Variants in NKAIN3 observed in about 807,000 individuals in gnomAD.
NKAIN3 encodes sodium/potassium-transporting ATPase subunit beta-1-interacting protein 3.
NKAIN3 carries 25 observed loss-of-function variants against 30.2 expected under a neutral mutation model. That is an observed-to-expected ratio of 0.83 (90% CI 0.60 to 1.16). The LOEUF (loss-of-function observed/expected upper bound fraction) is 1.16, where lower values mean the gene tolerates loss of function less well. Ranked by LOEUF, NKAIN3 falls within the 50% of genes most tolerant of loss-of-function variation. NKAIN3 has a pLI of 0.00. For synonymous variants in NKAIN3, 91 were observed against 89.6 expected (o/e 1.02, Z -0.09); for missense variants, 225 against 254.1 (o/e 0.89, Z 0.78).
chr8:62,363,937 T>G (rs1291525486), intron 1 of NKAIN3, among the ~76,000 whole-genome samples: 1 of 152,254 alleles, frequency 6.6e-6, no homozygotes, highest in East Asian at 1.9e-4. Context: ...CTCTTTCTAT[T>G]GTGCAATACA....
chr8:62,881,857 T>C (rs1273015184), intron 4 of NKAIN3, among the ~76,000 whole-genome samples: 1 of 152,246 alleles, frequency 6.6e-6, no homozygotes, highest in Non-Finnish European at 1.5e-5. Context: ...CCACCAGGAA[T>C]AAATTAAAGT....
intron 1 of NKAIN3, among the ~76,000 whole-genome samples, chr8:62,500,424 G>GAAA: frequency 9.6e-6 from 1 of 103,668 alleles, no homozygotes. Flanking sequence ...AAGGAAGAAA[G>GAAA]GAAAGAAAGA....
intron 5 of NKAIN3, among the ~76,000 whole-genome samples, chr8:62,991,378 T>A (rs1271604989): frequency 1.3e-5 from 2 of 152,168 alleles, no homozygotes; most frequent in Non-Finnish European, 2.9e-5. Context: ...AAAACCAGAA[T>A]TGTTGGCAAA....
At chr8:62,875,114 A>C (rs1391315483) in intron 4 of NKAIN3, among the ~76,000 whole-genome samples, 1 of 152,224 alleles carries the variant, frequency 6.6e-6, no homozygotes, top group African/African-American at 2.4e-5. Context: ...ACTGATAAGC[A>C]ACTTCAACAA....
intron 1 of NKAIN3, among the ~76,000 whole-genome samples, chr8:62,328,941 T>A (rs1245422945): frequency 1.3e-5 from 2 of 152,094 alleles, no homozygotes; most frequent in Non-Finnish European, 2.9e-5. Context: ...ATTGATGGTA[T>A]GTTACTTCCA....
intron 4 of NKAIN3, among the ~76,000 whole-genome samples, chr8:62,903,989 G>C (rs1030910997): frequency 6.6e-6 from 1 of 152,228 alleles, no homozygotes; most frequent in Non-Finnish European, 1.5e-5. Flanking sequence ...TTCAAGGTGA[G>C]ATTTGGGTGG....
At chr8:62,736,676 T>TG (rs1815687318) in intron 3 of NKAIN3, among the ~76,000 whole-genome samples, 1 of 152,158 alleles carries the variant, frequency 6.6e-6, no homozygotes, top group South Asian at 2.1e-4. Context: ...ATGGCTTCTG[T>TG]GCTGTGTCTG....
At chr8:62,362,686 C>T (rs1025340095) in intron 1 of NKAIN3, among the ~76,000 whole-genome samples, 1 of 152,088 alleles carries the variant, frequency 6.6e-6, no homozygotes, top group South Asian at 2.1e-4. Context: ...AAACTTCAGC[C>T]GAATTAAATT....
chr8:62,645,717 C>T (rs1812440139), intron 3 of NKAIN3, among the ~76,000 whole-genome samples: 1 of 152,044 alleles, frequency 6.6e-6, no homozygotes, highest in African/African-American at 2.4e-5. Flanking sequence ...TGCTGAGCAC[C>T]AACTTTGTTT....
Position 62,559,569 on chromosome 8 carries a change from G to A in NKAIN3, c.55-19970G>A, listed in dbSNP as rs183249359. On this transcript the variant is annotated intron_variant, in intron 1 of 6. Coordinates refer to ENST00000623646, the MANE Select transcript of NKAIN3 (RefSeq NM_001304533.3). The stretch of plus-strand genomic sequence containing the variant: ...TTTAATATATCTATAGTGATTTTGA[G>A]TGTATCTCCATGCATAGCTTTTTTA... 6.0e-4 allele frequency among the ~76,000 whole-genome samples: 91 copies of A among 151,938 alleles called. No individual in the cohort carries two copies. The East Asian group carries it at 0.016, about 27-fold the overall frequency.
intron 1 of NKAIN3, among the ~76,000 whole-genome samples, chr8:62,509,999 T>C (rs1255853054): frequency 2.0e-5 from 3 of 152,124 alleles, no homozygotes; most frequent in African/African-American, 7.2e-5. Flanking sequence ...ATGGTATGGA[T>C]GGCTGAGAGA....
intron 3 of NKAIN3, among the ~76,000 whole-genome samples, chr8:62,694,307 C>T (rs1229988938): frequency 6.6e-6 from 1 of 152,100 alleles, no homozygotes; most frequent in Non-Finnish European, 1.5e-5. Context: ...CAACTTCTGT[C>T]CATCAATGGA....
At chr8:62,337,406 A>G (rs1430762983) in intron 1 of NKAIN3, among the ~76,000 whole-genome samples, 1 of 151,926 alleles carries the variant, frequency 6.6e-6, no homozygotes, top group African/African-American at 2.4e-5. Flanking sequence ...TTGGAAACAG[A>G]TATGAAAGCA....
At chr8:62,995,838 T>C (rs1378169514) in intron 5 of NKAIN3, among the ~76,000 whole-genome samples, 6 of 146,962 alleles carry the variant, frequency 4.1e-5, no homozygotes, top group African/African-American at 1.5e-4. Flanking sequence ...ATAATAGTTT[T>C]CAAAAGAGAG....
chr8:62,864,196 C>A lies in NKAIN3; in HGVS notation c.472-54257C>A. 17 of 657,400 alleles carry A rather than the reference C, an allele frequency of 2.6e-5. No individual in the cohort carries two copies. The South Asian group carries it at 3.3e-4, about 13-fold the overall frequency. 40.7% of individuals were successfully genotyped at this position (657,400 alleles called of 1,614,324 possible). On this transcript the variant is annotated intron_variant, in intron 4 of 6. Transcript: ENST00000623646. Reference sequence around the variant, plus strand: ...TCAACCGACCGGGAGGAGGCTCTGGCGGATGGCGAATACTGCGCAGAAGTG... The same window carrying A: ...TCAACCGACCGGGAGGAGGCTCTGGAGGATGGCGAATACTGCGCAGAAGTG...
At chr8:62,802,512 C>T (rs777717338) in intron 4 of NKAIN3, among the ~76,000 whole-genome samples, 1 of 152,074 alleles carries the variant, frequency 6.6e-6, no homozygotes, top group Non-Finnish European at 1.5e-5. Flanking sequence ...TCCAGCCAAA[C>T]TAAGCTTCAT....
At chr8:62,483,693 A>G (rs372403076) in intron 1 of NKAIN3, 32 of 288,784 alleles carry the variant, frequency 1.1e-4, no homozygotes, top group East Asian at 6.6e-4. Flanking sequence ...TGTCAGGGAC[A>G]ATAAGCCCTT....
chr8:62,627,996 G>A (rs1586025458), intron 3 of NKAIN3, among the ~76,000 whole-genome samples: 2 of 152,086 alleles, frequency 1.3e-5, no homozygotes, highest in Admixed American at 6.6e-5. Flanking sequence ...CTCAGTAAAT[G>A]GAGTCCATTA....
At chr8:62,502,382 C>T (rs986607144) in intron 1 of NKAIN3, among the ~76,000 whole-genome samples, 2 of 152,150 alleles carry the variant, frequency 1.3e-5, no homozygotes, top group African/African-American at 2.4e-5. Context: ...TGATGCTGCT[C>T]TTTCAGAGTC....
Sources: allele counts gnomAD v4.1 joint callset (sites outside exome capture counted in the v4.1 genomes callset), GRCh38; gene constraint gnomAD v4.1.1; transcripts MANE v1.5; gene names NCBI Gene and HGNC (gene_info 2026-07-23, HGNC 2026-07-21).